MMEL1: variants seen among roughly 807,000 people sequenced by gnomAD.
The protein encoded by MMEL1 is membrane metalloendopeptidase like 1, also known as membrane metallo-endopeptidase-like 1.
In MMEL1, 98 loss-of-function variants were observed where a neutral mutation model predicts 117.1. The ratio of observed to expected loss-of-function variants is 0.84; its 90% CI spans 0.71 to 0.99. The LOEUF (loss-of-function observed/expected upper bound fraction) is 0.99. Among genes scored for constraint, MMEL1 ranks in the 50% least tolerant of loss-of-function variants. The pLI, the probability that MMEL1 is intolerant of heterozygous loss-of-function variation, is 0.00. For missense variants in MMEL1, 1,014 were observed against 1,049.1 expected (o/e 0.97, Z 0.46); for synonymous variants, 390 against 415.1 (o/e 0.94, Z 0.74).
intron 19 of MMEL1, among the ~76,000 whole-genome samples, 182 bp from the exon 20 acceptor site, chr1:2,593,148 G>A (rs1011965695): frequency 6.6e-6 from 1 of 152,192 alleles, no homozygotes; most frequent in African/African-American, 2.4e-5. Context: ...GCAGCTGTCT[G>A]GGGCTACACA....
At chr1:2,591,397 T>A (rs1644701019) in intron 23 of MMEL1, 160 bp downstream of exon 23, 2 of 656,350 alleles carry the variant, frequency 3.0e-6, no homozygotes, top group Non-Finnish European at 5.4e-6. Flanking sequence ...TGTAAGAGAA[T>A]GTCCCTGACC....
In MMEL1 at chr1:2,612,248, CT is replaced by C. The variant is rs1305759567; in HGVS notation, c.155-45del. On this transcript the variant is annotated intron_variant, in intron 2 of 23. Coordinates refer to ENST00000378412, the MANE Select transcript of MMEL1 (RefSeq NM_033467.4). This position sits in a 1 kb window ranked among gnomAD's most constrained non-coding sequence, Gnocchi z 5.4. ...CTCAGCTGCGGCCTCCTGCCTGCAGCTCCCTGGGGGTGCTGGGGGCCTCCCT... is the reference window on the plus strand; with the variant it reads ...CTCAGCTGCGGCCTCCTGCCTGCAGCCCCTGGGGGTGCTGGGGGCCTCCCT... 6.5e-7 allele frequency: 1 copy of C among 1,532,254 alleles called. No homozygotes were observed. Among genetic ancestry groups the C allele is most frequent in the African/African-American group, 1.4e-5 (1 of 72,738 alleles). 94.9% of individuals were successfully genotyped at this position (1,532,254 alleles called of 1,614,324 possible).
chr1:2,607,724 A>G (rs1218231678), intron 6 of MMEL1, among the ~76,000 whole-genome samples: 3 of 152,028 alleles, frequency 2.0e-5, no homozygotes, highest in Admixed American at 6.5e-5. Context: ...AGGGCTTCCT[A>G]GTGGAAGAGG....
Position 2,590,897 on chromosome 1 carries a change from G to A in MMEL1, c.*93C>T, listed in dbSNP as rs1194253302. ...CAGGCTTGGCATGGTTGGCCGGGGC[G>A]GGACGTACACTGGGTCGCCGCTAGC... On this transcript the variant is annotated 3_prime_UTR_variant, in exon 24 of 24. Coordinates refer to ENST00000378412, the MANE Select transcript of MMEL1 (RefSeq NM_033467.4). 3.0e-5 allele frequency: 31 copies of A among 1,022,940 alleles called. No homozygotes were observed. Among genetic ancestry groups the A allele is most frequent in the South Asian group, 1.5e-4 (6 of 38,814 alleles). The allele number at this position is 1,022,940 out of a possible 1,614,324, so 63.4% of individuals were successfully genotyped here.
At chr1:2,606,926 T>C (rs1645038215) in intron 7 of MMEL1, 48 bp downstream of exon 7, 1 of 1,526,110 alleles carries the variant, frequency 6.6e-7, no homozygotes, top group African/African-American at 1.4e-5. Flanking sequence ...GCCCTGGTCC[T>C]GGTCCTCCTT....
At chr1:2,608,720 TATACACA>T (rs1455585199) in intron 6 of MMEL1, among the ~76,000 whole-genome samples, 8 of 151,856 alleles carry the variant, frequency 5.3e-5, no homozygotes, top group Non-Finnish European at 8.8e-5. Flanking sequence ...ACATATACAC[TATACACA>T]ATACACATGT....
chr1:2,591,510 TGAGGGGGTTGTGGGTGGC>T, intron 23 of MMEL1, 29 bp downstream of exon 23: 7 of 1,457,570 alleles, frequency 4.8e-6, no homozygotes, highest in Non-Finnish European at 6.7e-6. Flanking sequence ...GGGGTGGGGG[TGAGGGGGTTGTGGGTGGC>T]AAGGGGGTTG....
chr1:2,598,384 G>A, intron 12 of MMEL1, 84 bp from the exon 13 acceptor site: 1 of 1,400,488 alleles, frequency 7.1e-7, no homozygotes, highest in Admixed American at 1.8e-5. Flanking sequence ...CCCTTGGCCA[G>A]CACGTTCCAC....
rs746958034 is a variant in MMEL1, at chr1:2,595,354, C to T, written c.1506G>A (p.Met502Ile). 2.5e-6 allele frequency: 4 copies of T among 1,613,868 alleles called. No homozygotes were observed. Among genetic ancestry groups the T allele is most frequent in the Non-Finnish European group, 3.4e-6 (4 of 1,179,980 alleles). Residue 502 changes from methionine (M) to isoleucine (I), a missense_variant, in exon 16 of 24, where the codon ATG becomes ATA. Coordinates refer to ENST00000378412, the MANE Select transcript of MMEL1 (RefSeq NM_033467.4). This position sits in a 1 kb window ranked among gnomAD's most constrained non-coding sequence, Gnocchi z 4.8. Reference sequence around the variant, plus strand: ...GGTGCCCGATCTGCTCCCGGATGCTCATGGCCTGAGTGGGGAGGAGGGACT... The same window carrying T: ...GGTGCCCGATCTGCTCCCGGATGCTTATGGCCTGAGTGGGGAGGAGGGACT... ...ESKKKAQEKA[M>I]SIREQIGHPD...
At chr1:2,632,407 A>G (rs1638634368) in intron 1 of MMEL1, among the ~76,000 whole-genome samples, 1 of 152,224 alleles carries the variant, frequency 6.6e-6, no homozygotes, top group Non-Finnish European at 1.5e-5. Flanking sequence ...TGGATCAATC[A>G]TTTGGACAAG....
At position 2,595,918 on chromosome 1, in the gene MMEL1, C is replaced by T. The variant is rs1336719962; in HGVS notation, c.1500+91G>A. The stretch of plus-strand genomic sequence containing the variant: ...TCTGCGCCTCCCGGGGCTGCCTTCT[C>T]CCCGTGGGGACCGTCAGGAGGCTTT... On this transcript the variant is annotated intron_variant, in intron 15 of 23. Transcript: ENST00000378412. This position sits in a 1 kb window ranked among gnomAD's most constrained non-coding sequence, Gnocchi z 4.8. 11 of 1,111,734 alleles carry T rather than the reference C, an allele frequency of 9.9e-6. No individual in the cohort carries two copies. Among genetic ancestry groups the T allele is most frequent in the Non-Finnish European group, 1.5e-5 (11 of 739,472 alleles). 68.9% of individuals were successfully genotyped at this position (1,111,734 alleles called of 1,614,324 possible). A position where few individuals can be genotyped will look rare whatever the true frequency, so the allele number is the denominator to read the frequency against.
chr1:2,592,985 G>A lies in MMEL1; in HGVS notation c.1868-19C>T, dbSNP rs746852196. 6.2e-7 allele frequency: 1 copy of A among 1,611,572 alleles called. No individual in the cohort carries two copies. The highest frequency in any genetic ancestry group is 8.5e-7 in the Non-Finnish European group (1 of 1,179,378). On this transcript the variant is annotated intron_variant, in intron 19 of 23. Coordinates refer to ENST00000378412, the MANE Select transcript of MMEL1 (RefSeq NM_033467.4). ...TTCCGGCCTGGGCAGGGGCAGAGGAGGGCTGCCCACATGCCCCTGGCTGCA... is the reference window on the plus strand; with the variant it reads ...TTCCGGCCTGGGCAGGGGCAGAGGAAGGCTGCCCACATGCCCCTGGCTGCA...
Position 2,609,766 on chromosome 1 carries a change from A to C in MMEL1, c.358T>G (p.Cys120Gly). The C allele has an allele frequency of 1.2e-6, 2 of 1,613,942 alleles. No individual in the cohort carries two copies. Among genetic ancestry groups the C allele is most frequent in the Non-Finnish European group, 1.7e-6 (2 of 1,180,016 alleles). ...ACGTGGCGCCGCAGCCAGCCTCCGC[A>C]TGCAAACTGGTAGAAGTCGTCACAC... ...EPCDDFYQFA[C>G]GGWLRRHVIP... The change falls in exon 5 of 24, where the codon TGC becomes GGC. Residue 120 changes from cysteine to glycine, a missense_variant. Physicochemically the swap from Cys to Gly is radical, Grantham distance 159. Transcript: ENST00000378412.
intron 14 of MMEL1, 102 bp from the exon 15 acceptor site, chr1:2,596,209 G>A (rs1644836848): frequency 1.8e-6 from 2 of 1,114,280 alleles, no homozygotes; most frequent in Non-Finnish European, 2.7e-6. Context: ...GCCGGGGCAA[G>A]GCCCAGGGCT....
intron 11 of MMEL1, among the ~76,000 whole-genome samples, chr1:2,602,949 G>A (rs569573918): frequency 5.3e-5 from 8 of 152,302 alleles, no homozygotes; most frequent in East Asian, 3.9e-4. Flanking sequence ...CCGGAACCTC[G>A]ATCGAGATAG....
chr1:2,630,907 TTG>T (rs540516965), intron 1 of MMEL1, among the ~76,000 whole-genome samples: 328 of 148,508 alleles, frequency 2.2e-3, no homozygotes, highest in Middle Eastern at 3.9e-3. Flanking sequence ...GCGTGTGCTC[TTG>T]TGTGTGCATG....
chr1:2,605,522 G>C, intron 9 of MMEL1, 36 bp downstream of exon 9: 1 of 1,590,210 alleles, frequency 6.3e-7, no homozygotes. Context: ...GGGGTGATGG[G>C]GGGGTCATCT....
At chr1:2,632,091 C>T (rs1042332501) in intron 1 of MMEL1, among the ~76,000 whole-genome samples, 1 of 150,320 alleles carries the variant, frequency 6.7e-6, no homozygotes, top group Non-Finnish European at 1.5e-5. Flanking sequence ...GTTTCTCCCC[C>T]CACCCTCCCC....
At chr1:2,596,536 TG>T (rs1644843126) in intron 14 of MMEL1, 24 bp downstream of exon 14, 1 of 1,602,870 alleles carries the variant, frequency 6.2e-7, no homozygotes, top group African/African-American at 1.3e-5. Context: ...TGGCCCCGCG[TG>T]GGCCATGGAT....
Sources: allele counts gnomAD v4.1 joint callset (sites outside exome capture counted in the v4.1 genomes callset), GRCh38; gene constraint gnomAD v4.1.1; non-coding constraint Gnocchi (gnomAD v3.1); transcripts MANE v1.5; gene names NCBI Gene and HGNC (gene_info 2026-07-23, HGNC 2026-07-21).